INPP4B: variants seen among roughly 807,000 people sequenced by gnomAD.
INPP4B encodes inositol polyphosphate 4-phosphatase type II.
INPP4B carries 55 observed loss-of-function variants against 122.5 expected under a neutral mutation model. The ratio of observed to expected loss-of-function variants is 0.45; its 90% confidence interval spans 0.36 to 0.56. INPP4B has a LOEUF of 0.56. INPP4B is among the 20% of genes least tolerant of loss of function. INPP4B has a pLI of 0.00. For missense variants in INPP4B, 1,000 were observed against 1,097.7 expected, an observed-to-expected ratio of 0.91 and a Z score of 1.26; for synonymous variants, 403 against 388.7, an observed-to-expected ratio of 1.04 and a Z score of -0.43.
At chr4:142,577,651 T>G (rs1202736075) in intron 2 of INPP4B, among the ~76,000 whole-genome samples, 1 of 151,992 alleles carries the variant, frequency 6.6e-6, no homozygotes, top group Non-Finnish European at 1.5e-5. Flanking sequence ...TAGCCTTCAG[T>G]GCTAGCTTTT....
At chr4:142,190,665 A>C (rs35715873) in intron 15 of INPP4B, among the ~76,000 whole-genome samples, 9 of 152,102 alleles carry the variant, frequency 5.9e-5, no homozygotes, top group Non-Finnish European at 1.3e-4. Flanking sequence ...AGTGTTTGCA[A>C]GCATTGAACA....
Position 142,028,710 on chromosome 4 carries a change from C to T in INPP4B, c.*72G>A, listed in dbSNP as rs1420729475. On this transcript the variant is annotated 3_prime_UTR_variant, in exon 26 of 26. Coordinates refer to ENST00000262992, the MANE Select transcript of INPP4B (RefSeq NM_001101669.3). Reference sequence around the variant, plus strand: ...ACAAATTCATGACAATAAAAACAAACAAAAAAGACCAAGGTGAAGATTATC... The same window carrying T: ...ACAAATTCATGACAATAAAAACAAATAAAAAAGACCAAGGTGAAGATTATC... The T allele has an allele frequency of 6.7e-7, 1 of 1,490,060 alleles. No individual in the cohort carries two copies. Among genetic ancestry groups the T allele is most frequent in the Non-Finnish European group, 9.1e-7 (1 of 1,104,540 alleles). The allele number at this position is 1,490,060 out of a possible 1,614,324, so 92.3% of individuals were successfully genotyped here.
intron 25 of INPP4B, among the ~76,000 whole-genome samples, chr4:142,077,107 T>C: frequency 6.6e-6 from 1 of 152,024 alleles, no homozygotes; most frequent in South Asian, 2.1e-4. Context: ...ATGTTGAGAA[T>C]ATGACATTTG....
At chr4:142,134,278 G>T (rs966581680) in intron 18 of INPP4B, among the ~76,000 whole-genome samples, 7 of 152,160 alleles carry the variant, frequency 4.6e-5, no homozygotes, top group Non-Finnish European at 1.0e-4. Flanking sequence ...GAGACGCAGA[G>T]AATGTAAATG....
At chr4:142,573,783 T>A (rs565197536) in intron 2 of INPP4B, among the ~76,000 whole-genome samples, 9 of 152,194 alleles carry the variant, frequency 5.9e-5, no homozygotes, top group Non-Finnish European at 1.0e-4. Flanking sequence ...TTCCGCAATA[T>A]TGGATTACTG....
intron 7 of INPP4B, among the ~76,000 whole-genome samples, chr4:142,327,653 AG>A (rs759719463): frequency 1.3e-5 from 2 of 152,174 alleles, no homozygotes; most frequent in African/African-American, 2.4e-5. Context: ...AATCACCTGA[AG>A]AAGTTTTAAA....
rs149910387 is a variant in INPP4B, at chr4:142,103,889, G to A, written c.2374+4204C>T. 7.5e-3 allele frequency among the ~76,000 whole-genome samples: 1,142 copies of A among 151,674 alleles called. 15 individuals are homozygous for A. Among genetic ancestry groups the A allele is most frequent in the African/African-American group, 0.026 (1,091 of 41,378 alleles). Reference sequence around the variant, plus strand: ...AGTACTAAATTTTTTTTTCTAAAAAGTATTTTGTATACAATCCTTATTGAT... The same window carrying A: ...AGTACTAAATTTTTTTTTCTAAAAAATATTTTGTATACAATCCTTATTGAT... On this transcript the variant is annotated intron_variant, in intron 23 of 25. Coordinates refer to ENST00000262992, the MANE Select transcript of INPP4B (RefSeq NM_001101669.3).
chr4:142,590,336 T>C (rs569515134), intron 2 of INPP4B, among the ~76,000 whole-genome samples: 1 of 152,284 alleles, frequency 6.6e-6, no homozygotes, highest in South Asian at 2.1e-4. Flanking sequence ...ATTACAAATG[T>C]ATAAAACAAC....
At chr4:142,628,114 A>G (rs1017316642) in intron 2 of INPP4B, among the ~76,000 whole-genome samples, 4 of 151,668 alleles carry the variant, frequency 2.6e-5, no homozygotes, top group Non-Finnish European at 5.9e-5. Flanking sequence ...ATGCACACGT[A>G]TGTTTATTGC....
At chr4:142,496,648 G>A (rs535671248) in intron 2 of INPP4B, among the ~76,000 whole-genome samples, 1 of 152,076 alleles carries the variant, frequency 6.6e-6, no homozygotes, top group South Asian at 2.1e-4. Context: ...AATTATTTAT[G>A]TAATAAAGGT....
intron 17 of INPP4B, among the ~76,000 whole-genome samples, chr4:142,157,837 C>T (rs1215255403): frequency 2.0e-5 from 3 of 152,036 alleles, no homozygotes; most frequent in Admixed American, 6.6e-5. Flanking sequence ...TCTTCGGTGC[C>T]TATTTGAAAC....
At chr4:142,516,686 C>G (rs1425091249) in intron 2 of INPP4B, among the ~76,000 whole-genome samples, 2 of 152,094 alleles carry the variant, frequency 1.3e-5, no homozygotes, top group African/African-American at 4.8e-5. Flanking sequence ...ACACATTGCT[C>G]TGTGCCCTGG....
At chr4:142,432,654 C>T (rs1171266979) in intron 3 of INPP4B, among the ~76,000 whole-genome samples, 8 of 152,066 alleles carry the variant, frequency 5.3e-5, no homozygotes, top group African/African-American at 9.7e-5. Flanking sequence ...CATAGCACCA[C>T]GTTCTCCCAA....
chr4:142,353,408 G>C (rs901676766), intron 7 of INPP4B, among the ~76,000 whole-genome samples: 4 of 151,958 alleles, frequency 2.6e-5, no homozygotes, highest in African/African-American at 9.7e-5. Flanking sequence ...GATCCAACTG[G>C]TCAGATTCCA....
intron 23 of INPP4B, among the ~76,000 whole-genome samples, chr4:142,105,549 G>C (rs1255180958): frequency 6.6e-6 from 1 of 152,062 alleles, no homozygotes; most frequent in Non-Finnish European, 1.5e-5. Context: ...CACTTGACTG[G>C]GAGTGAATAT....
intron 3 of INPP4B, among the ~76,000 whole-genome samples, chr4:142,455,698 T>C (rs1056394998): frequency 6.6e-6 from 1 of 152,084 alleles, no homozygotes; most frequent in South Asian, 2.1e-4. Flanking sequence ...GATCATATGG[T>C]AGCTCTTTTT....
intron 1 of INPP4B, among the ~76,000 whole-genome samples, chr4:142,810,159 G>A (rs1487624215): frequency 1.6e-5 from 2 of 126,912 alleles, no homozygotes; most frequent in Admixed American, 8.1e-5. Flanking sequence ...GACAGAGTGA[G>A]ACTCCATCTC....
At position 142,238,100 on chromosome 4, in the gene INPP4B, C is replaced by G. The variant is rs539843913; in HGVS notation, c.689-89G>C. ...TTAATAAAACCATTAATCAAGATGG[C>G]ATTTTTATTATTCATTTGATCCAAA... is the stretch of plus-strand genomic sequence containing the variant. On this transcript the variant is annotated intron_variant, in intron 11 of 25. Transcript: ENST00000262992. 4.3e-4 allele frequency: 244 copies of G among 564,844 alleles called. 3 individuals carry two copies. In the East Asian group the frequency reaches 7.3e-3, roughly 17 times the overall value. 35.0% of individuals were successfully genotyped at this position (564,844 alleles called of 1,614,324 possible).
At chr4:142,815,323 A>G (rs768956610) in intron 1 of INPP4B, among the ~76,000 whole-genome samples, 2 of 152,216 alleles carry the variant, frequency 1.3e-5, no homozygotes, top group African/African-American at 2.4e-5. Flanking sequence ...GATAAGCTGT[A>G]GTTAATAATG....
Sources: gnomAD v4.1 joint callset for allele counts (sites outside exome capture counted in the v4.1 genomes callset) on GRCh38, gnomAD v4.1.1 for gene constraint, MANE v1.5 for transcripts, NCBI Gene and HGNC (gene_info 2026-07-23, HGNC 2026-07-21) for gene names.